The following RNGTT variants were observed in gnomAD, a reference collection of about 807,000 sequenced individuals.
RNGTT encodes RNA guanylyltransferase and 5'-phosphatase.
RNGTT carries 33 observed loss-of-function variants against 79.3 expected under a neutral mutation model. The ratio of observed to expected loss-of-function variants is 0.42; its 90% CI spans 0.32 to 0.56. The LOEUF (loss-of-function observed/expected upper bound fraction) is 0.56, where lower values mean the gene tolerates loss of function less well. Ranked by LOEUF, RNGTT falls within the 20% of genes least tolerant of loss-of-function variation. RNGTT has a pLI of 0.17. For missense variants in RNGTT, 497 were observed against 739.1 expected, an observed-to-expected ratio of 0.67 and a Z score of 3.80; for synonymous variants, 222 against 235.9, an observed-to-expected ratio of 0.94 and a Z score of 0.54.
intron 12 of RNGTT, among the ~76,000 whole-genome samples, chr6:88,794,960 T>C (rs1417406624): frequency 6.6e-6 from 1 of 152,152 alleles, no homozygotes; most frequent in Non-Finnish European, 1.5e-5. Flanking sequence ...TGAGAACAGC[T>C]GCTACCAGAG....
At chr6:88,830,587 T>C (rs1780825614) in intron 11 of RNGTT, among the ~76,000 whole-genome samples, 1 of 148,854 alleles carries the variant, frequency 6.7e-6, no homozygotes, top group Non-Finnish European at 1.5e-5. Context: ...AGAGCAGAAC[T>C]GAAGGAGAGA....
intron 14 of RNGTT, among the ~76,000 whole-genome samples, chr6:88,644,264 A>G (rs1041767098): frequency 6.6e-6 from 1 of 152,216 alleles, no homozygotes; most frequent in African/African-American, 2.4e-5. Flanking sequence ...GAAATGGATA[A>G]ATTCCTCGAC....
At chr6:88,874,235 G>A (rs1334807132) in intron 8 of RNGTT, among the ~76,000 whole-genome samples, 2 of 152,064 alleles carry the variant, frequency 1.3e-5, no homozygotes, top group African/African-American at 4.8e-5. Flanking sequence ...ATTCTTTTAA[G>A]TGATCTTCCA....
chr6:88,743,949 AT>A (rs1777575370), intron 13 of RNGTT, among the ~76,000 whole-genome samples: 1 of 152,240 alleles, frequency 6.6e-6, no homozygotes, highest in East Asian at 1.9e-4. Context: ...TAGGTTTAGT[AT>A]GATGAATTGA....
intron 8 of RNGTT, among the ~76,000 whole-genome samples, chr6:88,878,076 G>GTTTA (rs201880221): frequency 0.064 from 9,606 of 150,546 alleles, 351 homozygotes; most frequent in East Asian, 0.1. Context: ...AATTTCATTT[G>GTTTA]TTTATTTATT....
chr6:88,684,269 G>A (rs748906530), intron 13 of RNGTT, among the ~76,000 whole-genome samples: 10 of 152,128 alleles, frequency 6.6e-5, no homozygotes, highest in Non-Finnish European at 1.0e-4. Flanking sequence ...AGGAACTCGC[G>A]AGCATTGCTG....
intron 14 of RNGTT, among the ~76,000 whole-genome samples, chr6:88,639,126 T>G (rs1451012647): frequency 6.6e-6 from 1 of 152,166 alleles, no homozygotes; most frequent in Non-Finnish European, 1.5e-5. Flanking sequence ...AGATGATGCA[T>G]CCATGAATAA....
chr6:88,817,026 C>T (rs1224063367), intron 11 of RNGTT, among the ~76,000 whole-genome samples: 1 of 152,070 alleles, frequency 6.6e-6, no homozygotes, highest in Non-Finnish European at 1.5e-5. Context: ...ACAGTTTAGA[C>T]CTGAAGCACC....
intron 13 of RNGTT, among the ~76,000 whole-genome samples, chr6:88,725,491 G>C (rs917909112): frequency 5.9e-5 from 9 of 152,354 alleles, no homozygotes; most frequent in African/African-American, 1.7e-4. Context: ...TCAGGACTAG[G>C]GAAAGAAAGC....
chr6:88,905,716 C>T (rs1037626000), intron 5 of RNGTT, among the ~76,000 whole-genome samples: 3 of 151,968 alleles, frequency 2.0e-5, no homozygotes, highest in Non-Finnish European at 4.4e-5. Flanking sequence ...TGGAGTAACA[C>T]TCTCCCAAAA....
chr6:88,613,708 T>C (rs1265204525), intron 15 of RNGTT, among the ~76,000 whole-genome samples: 1 of 152,252 alleles, frequency 6.6e-6, no homozygotes, highest in Non-Finnish European at 1.5e-5. Flanking sequence ...CTGGTAGTGG[T>C]ATACCTTATA....
At chr6:88,893,041 A>C (rs1253297062) in intron 6 of RNGTT, among the ~76,000 whole-genome samples, 2 of 152,008 alleles carry the variant, frequency 1.3e-5, no homozygotes, top group African/African-American at 4.8e-5. Flanking sequence ...CCATCCCTCT[A>C]CTATTATACC....
chr6:88,843,612 G>A (rs1359311191), intron 11 of RNGTT, among the ~76,000 whole-genome samples: 1 of 129,320 alleles, frequency 7.7e-6, no homozygotes, highest in Non-Finnish European at 1.6e-5. Context: ...AGGCTGGAGT[G>A]CAATGGCGCA....
chr6:88,714,012 T>G lies in RNGTT; in HGVS notation c.1440-35593A>C, dbSNP rs116537339. 8.3e-3 allele frequency among the ~76,000 whole-genome samples: 1,259 copies of G among 152,288 alleles called. 19 individuals carry two copies. The highest frequency in any genetic ancestry group is 0.029 in the African/African-American group (1,186 of 41,562). ...ATTTAGAGTTCCAATCTTGGTCTGT[T>G]GTTCCACTTCCAATCTCAATGCACT... On this transcript the variant is annotated intron_variant, in intron 13 of 15. Coordinates refer to ENST00000369485, the MANE Select transcript of RNGTT (RefSeq NM_003800.5).
At chr6:88,755,562 G>A (rs960826594) in intron 13 of RNGTT, among the ~76,000 whole-genome samples, 1 of 152,056 alleles carries the variant, frequency 6.6e-6, no homozygotes, top group Admixed American at 6.5e-5. Flanking sequence ...AAGCTAGGGG[G>A]GAATGGGTGG....
At chr6:88,818,571 G>A (rs948903962) in intron 11 of RNGTT, among the ~76,000 whole-genome samples, 15 of 152,008 alleles carry the variant, frequency 9.9e-5, no homozygotes, top group Admixed American at 2.6e-4. Context: ...GTGAAACTCC[G>A]ACTCATAGAA....
chr6:88,837,046 C>G (rs1781104789), intron 11 of RNGTT, among the ~76,000 whole-genome samples: 1 of 152,058 alleles, frequency 6.6e-6, no homozygotes, highest in Non-Finnish European at 1.5e-5. Context: ...CCAAATAATT[C>G]CGTGGAGGAA....
chr6:88,756,598 A>C (rs1398602965), intron 13 of RNGTT, among the ~76,000 whole-genome samples: 1 of 152,254 alleles, frequency 6.6e-6, no homozygotes, highest in Non-Finnish European at 1.5e-5. Flanking sequence ...ACTGAGTTAA[A>C]TAAAACCAAC....
At chr6:88,956,717 G>A (rs1785443208) in intron 1 of RNGTT, among the ~76,000 whole-genome samples, 1 of 152,182 alleles carries the variant, frequency 6.6e-6, no homozygotes, top group Non-Finnish European at 1.5e-5. Flanking sequence ...TCATACCAGA[G>A]ATGCAGAGAT....
Sources: gnomAD v4.1 joint callset for allele counts (sites outside exome capture counted in the v4.1 genomes callset) on GRCh38, gnomAD v4.1.1 for gene constraint, MANE v1.5 for transcripts, NCBI Gene and HGNC (gene_info 2026-07-23, HGNC 2026-07-21) for gene names.